Variants in DENND1B observed in about 807,000 individuals in gnomAD.
DENND1B encodes DENN domain-containing protein 1B.
DENND1B carries 59 observed loss-of-function variants against 90.1 expected under a neutral mutation model. The ratio of observed to expected loss-of-function variants is 0.65; its 90% CI spans 0.53 to 0.81. DENND1B has a LOEUF of 0.81. Ranked by LOEUF, DENND1B falls within the 40% of genes least tolerant of loss-of-function variation. The pLI, the probability that DENND1B is intolerant of heterozygous loss-of-function variation, is 0.00. For missense variants in DENND1B, 862 were observed against 912.6 expected, an observed-to-expected ratio of 0.94 and a Z score of 0.71; for synonymous variants, 337 against 324.6, an observed-to-expected ratio of 1.04 and a Z score of -0.41.
chr1:197,601,046 TA>T (rs772038076), intron 13 of DENND1B, among the ~76,000 whole-genome samples: 2 of 151,636 alleles, frequency 1.3e-5, no homozygotes, highest in Non-Finnish European at 3.0e-5. Flanking sequence ...ACCCTTAATC[TA>T]AATTAGGATA....
chr1:197,642,372 A>G (rs1307969464), intron 10 of DENND1B, among the ~76,000 whole-genome samples: 1 of 152,176 alleles, frequency 6.6e-6, no homozygotes, highest in Non-Finnish European at 1.5e-5. Flanking sequence ...AGTGGCTCCA[A>G]TGGAAAAAGC....
intron 10 of DENND1B, among the ~76,000 whole-genome samples, chr1:197,625,485 G>C (rs1678602160): frequency 6.6e-6 from 1 of 151,996 alleles, no homozygotes; most frequent in Admixed American, 6.6e-5. Context: ...GCCACCACCA[G>C]GCCTGACCTA....
chr1:197,686,392 C>T (rs1245091592), intron 3 of DENND1B, among the ~76,000 whole-genome samples: 2 of 152,120 alleles, frequency 1.3e-5, no homozygotes, highest in South Asian at 2.1e-4. Context: ...ATAGTTATTC[C>T]TTTCACTGAA....
At position 197,517,197 on chromosome 1, in the gene DENND1B, A is replaced by G. The variant is rs565154967; in HGVS notation, c.1516-4244T>C. On this transcript the variant is annotated intron_variant, in intron 20 of 22. Coordinates refer to ENST00000620048, the MANE Select transcript of DENND1B (RefSeq NM_001195215.2). ...CTTACTGGGTGTTTGTGGATTAAAGAGATGCTAGAAATTCAGAGAATAATT... is the reference window on the plus strand; with the variant it reads ...CTTACTGGGTGTTTGTGGATTAAAGGGATGCTAGAAATTCAGAGAATAATT... 4.5e-4 allele frequency among the ~76,000 whole-genome samples: 68 copies of G among 152,060 alleles called. 1 individual carries two copies. In the South Asian group the frequency reaches 0.012, roughly 27 times the overall value.
intron 2 of DENND1B, among the ~76,000 whole-genome samples, chr1:197,746,322 G>A (rs982375116): frequency 6.6e-6 from 1 of 152,196 alleles, no homozygotes; most frequent in Non-Finnish European, 1.5e-5. Flanking sequence ...TTGAACCCAG[G>A]AGGCAATGGT....
chr1:197,653,302 T>C (rs1335688920), intron 6 of DENND1B, among the ~76,000 whole-genome samples: 1 of 152,114 alleles, frequency 6.6e-6, no homozygotes, highest in Non-Finnish European at 1.5e-5. Context: ...AAGAGGCTCA[T>C]ATGGTTGTTT....
intron 10 of DENND1B, among the ~76,000 whole-genome samples, chr1:197,626,101 T>C (rs1345966254): frequency 1.3e-5 from 2 of 151,948 alleles, no homozygotes; most frequent in African/African-American, 2.4e-5. Flanking sequence ...CTGTCAACAT[T>C]AGACAGATCA....
chr1:197,644,092 G>A (rs1680519730), intron 9 of DENND1B, among the ~76,000 whole-genome samples: 1 of 152,170 alleles, frequency 6.6e-6, no homozygotes, highest in Non-Finnish European at 1.5e-5. Context: ...AGTGGGTGAT[G>A]TTGAATTTGG....
intron 2 of DENND1B, chr1:197,735,436 C>A: frequency 6.9e-7 from 1 of 1,458,930 alleles, no homozygotes. Flanking sequence ...TACTCTGAAG[C>A]TACTTCTCAT....
At chr1:197,694,958 T>A (rs978289292) in intron 3 of DENND1B, among the ~76,000 whole-genome samples, 5 of 151,318 alleles carry the variant, frequency 3.3e-5, no homozygotes, top group African/African-American at 1.2e-4. Context: ...AATGGGAGTC[T>A]GCTAGATGAA....
At chr1:197,773,103 T>A in intron 1 of DENND1B, 171 bp from the exon 2 acceptor site, 2 of 639,524 alleles carry the variant, frequency 3.1e-6, no homozygotes, top group Non-Finnish European at 5.5e-6. Flanking sequence ...ATTGAGCAAC[T>A]TAAAAGAGCT....
chr1:197,715,149 C>T, intron 2 of DENND1B, 75 bp from the exon 3 acceptor site: 2 of 1,233,738 alleles, frequency 1.6e-6, no homozygotes, highest in Middle Eastern at 3.9e-4. Context: ...GTTAAACACT[C>T]TTAAAATTGT....
At chr1:197,763,276 T>A (rs973472600) in intron 2 of DENND1B, among the ~76,000 whole-genome samples, 3 of 152,190 alleles carry the variant, frequency 2.0e-5, no homozygotes, top group Admixed American at 6.5e-5. Context: ...TCACTTCTTT[T>A]TATATATATT....
At chr1:197,612,125 A>T (rs1677236390) in intron 11 of DENND1B, 149 bp from the exon 12 acceptor site, 2 of 504,104 alleles carry the variant, frequency 4.0e-6, no homozygotes, top group Non-Finnish European at 6.7e-6. Flanking sequence ...TATTCAATAT[A>T]TAAAGCTCAA....
intron 3 of DENND1B, 92 bp downstream of exon 3, chr1:197,714,939 A>C: frequency 1.1e-6 from 1 of 898,628 alleles, no homozygotes; most frequent in South Asian, 1.5e-5. Context: ...ATCCATGTTC[A>C]CTAGTAGTTA....
intron 5 of DENND1B, among the ~76,000 whole-genome samples, chr1:197,661,860 T>C (rs1255136808): frequency 6.6e-6 from 1 of 152,052 alleles, no homozygotes; most frequent in Non-Finnish European, 1.5e-5. Flanking sequence ...CAGAATCAGA[T>C]TTTTCATTAA....
intron 6 of DENND1B, among the ~76,000 whole-genome samples, chr1:197,655,056 T>C (rs546982739): frequency 4.7e-4 from 71 of 152,314 alleles, no homozygotes; most frequent in African/African-American, 1.7e-3. Flanking sequence ...AAATAAATGA[T>C]TGTATACTGA....
intron 2 of DENND1B, among the ~76,000 whole-genome samples, chr1:197,745,891 T>C (rs1663693487): frequency 6.6e-6 from 1 of 152,068 alleles, no homozygotes; most frequent in Non-Finnish European, 1.5e-5. Context: ...AAAAAATTAG[T>C]AAATTGCTTT....
At chr1:197,693,660 T>C (rs1658138003) in intron 3 of DENND1B, among the ~76,000 whole-genome samples, 1 of 151,692 alleles carries the variant, frequency 6.6e-6, no homozygotes, top group Non-Finnish European at 1.5e-5. Context: ...ACATGGCAGC[T>C]GGGAATGAAA....
Sources: allele counts gnomAD v4.1 joint callset (sites outside exome capture counted in the v4.1 genomes callset), GRCh38; gene constraint gnomAD v4.1.1; transcripts MANE v1.5; gene names NCBI Gene and HGNC (gene_info 2026-07-23, HGNC 2026-07-21).